Variants in ZNF829 observed in about 807,000 individuals in gnomAD.
The protein encoded by ZNF829 is zinc finger protein 829.
Under a neutral mutation model 35.2 loss-of-function variants are expected in ZNF829, and 25 were observed. The observed-to-expected ratio is 0.71, with a 90% CI of 0.52 to 0.99. The LOEUF (loss-of-function observed/expected upper bound fraction) is 0.99. Ranked by LOEUF, ZNF829 falls within the 50% of genes least tolerant of loss-of-function variation. The pLI, the probability that ZNF829 is intolerant of heterozygous loss-of-function variation, is 0.00. For synonymous variants in ZNF829, 136 were observed against 163.2 expected (o/e 0.83, Z 1.27); for missense variants, 417 against 515.3 (o/e 0.81, Z 1.85).
At chr19:36,892,596 A>C in intron 5 of ZNF829, 125 bp from the exon 6 acceptor site, 1 of 1,016,000 alleles carries the variant, frequency 9.8e-7, no homozygotes, top group Non-Finnish European at 1.4e-6. Flanking sequence ...AAAGGTGGAG[A>C]GGCAATCTGT....
intron 5 of ZNF829, among the ~76,000 whole-genome samples, chr19:36,897,304 A>G (rs1161674673): frequency 2.0e-5 from 3 of 152,202 alleles, no homozygotes; most frequent in South Asian, 2.1e-4. Context: ...AAACCCCTCA[A>G]TGAAATACTA....
Position 36,915,032 on chromosome 19 carries a change from G to A in ZNF829, c.39-10C>T. 1 of 1,614,058 alleles carries A rather than the reference G, an allele frequency of 6.2e-7. No individual in the cohort carries two copies. The highest frequency in any genetic ancestry group is 1.3e-5 in the African/African-American group (1 of 75,002). Reference sequence around the variant, plus strand: ...CTCTTCTGGGTGACACCTGGAGAAAGGTAAAATTGGGAGAGGGAAGAGTAA... The same window carrying A: ...CTCTTCTGGGTGACACCTGGAGAAAAGTAAAATTGGGAGAGGGAAGAGTAA... On this transcript the variant is annotated splice_polypyrimidine_tract_variant and intron_variant, in intron 2 of 5. Transcript: ENST00000391711.
At chr19:36,896,441 C>G (rs2073114158) in intron 5 of ZNF829, among the ~76,000 whole-genome samples, 1 of 152,102 alleles carries the variant, frequency 6.6e-6, no homozygotes, top group African/African-American at 2.4e-5. Flanking sequence ...CAATATTGTG[C>G]CACTGCACTC....
chr19:36,892,514 CA>C, intron 5 of ZNF829, 43 bp from the exon 6 acceptor site: 1 of 1,507,048 alleles, frequency 6.6e-7, no homozygotes, highest in Non-Finnish European at 8.8e-7. Flanking sequence ...CTATTCTGGG[CA>C]AGTTAAAACT....
chr19:36,897,530 A>C (rs1376487399), intron 5 of ZNF829, among the ~76,000 whole-genome samples: 1 of 152,186 alleles, frequency 6.6e-6, no homozygotes, highest in Non-Finnish European at 1.5e-5. Context: ...CCTCTCAACG[A>C]TTAGGCATTA....
At chr19:36,910,949 G>A (rs767149783) in intron 3 of ZNF829, among the ~76,000 whole-genome samples, 6 of 152,166 alleles carry the variant, frequency 3.9e-5, no homozygotes, top group Middle Eastern at 3.2e-3. Flanking sequence ...GGAGGTTGCA[G>A]TGAGCCGAGA....
At chr19:36,896,462 G>A (rs185091269) in intron 5 of ZNF829, among the ~76,000 whole-genome samples, 4 of 152,200 alleles carry the variant, frequency 2.6e-5, no homozygotes, top group Admixed American at 6.5e-5. Flanking sequence ...CAGCCTGGGC[G>A]ACGGAACTAG....
At chr19:36,897,955 G>A (rs959013813) in intron 5 of ZNF829, among the ~76,000 whole-genome samples, 8 of 152,190 alleles carry the variant, frequency 5.3e-5, no homozygotes, top group African/African-American at 1.9e-4. Flanking sequence ...GATCACTTGA[G>A]GTCACGAGTT....
intron 3 of ZNF829, 105 bp downstream of exon 3, chr19:36,914,860 G>A: frequency 9.7e-7 from 1 of 1,034,652 alleles, no homozygotes; most frequent in African/African-American, 1.6e-5. Context: ...AGCATAAGTG[G>A]AGCAACCATC....
intron 5 of ZNF829, among the ~76,000 whole-genome samples, chr19:36,903,365 A>AG: frequency 6.6e-6 from 1 of 152,214 alleles, no homozygotes. Flanking sequence ...TTTTAGTTAT[A>AG]GTATGTGCAG....
Position 36,915,012 on chromosome 19 carries a change from C to T in ZNF829, c.49G>A (p.Glu17Lys). Reference sequence around the variant, plus strand: ...TCATCATGCATTCTTTCCTCCTCTTCTGGGTGACACCTGGAGAAAGGTAAA... The same window carrying T: ...TCATCATGCATTCTTTCCTCCTCTTTTGGGTGACACCTGGAGAAAGGTAAA... Reference protein sequence around the residue: ...ISIPHVWCHPEEEERMHDELL... With the variant: ...ISIPHVWCHPKEEERMHDELL... The change falls in exon 3 of 6, where the codon GAA (glutamate) becomes AAA (lysine). Residue 17 changes from glutamate (E) to lysine (K), a missense_variant. Physicochemically the swap from Glu to Lys is moderately conservative, Grantham distance 56. Transcript: ENST00000391711. 1 of 1,614,186 alleles carries T rather than the reference C, an allele frequency of 6.2e-7. No individual in the cohort carries two copies. Among genetic ancestry groups the T allele is most frequent in the Non-Finnish European group, 8.5e-7 (1 of 1,180,036 alleles).
intron 5 of ZNF829, among the ~76,000 whole-genome samples, chr19:36,904,531 C>G (rs2073199327): frequency 6.6e-6 from 1 of 152,146 alleles, no homozygotes; most frequent in Non-Finnish European, 1.5e-5. Context: ...TCCCAAGTAG[C>G]TGGGACTACG....
rs552129299 is a variant in ZNF829 at position 36,888,558 on chromosome 19, C to T, written c.*2934G>A. On this transcript the variant is annotated 3_prime_UTR_variant, in exon 6 of 6. Coordinates refer to ENST00000391711, the MANE Select transcript of ZNF829 (RefSeq NM_001037232.4). The stretch of plus-strand genomic sequence containing the variant: ...TTTTAAAAAAGCATTCTTAATTTGC[C>T]TTTTATTGTTTCTTAATTATAGGTT... 1.3e-5 allele frequency: 2 copies of T among 152,194 alleles called. No individual in the cohort carries two copies. The highest frequency in any genetic ancestry group is 3.9e-4 in the East Asian group (2 of 5,192). The allele number at this position is 152,194 out of a possible 1,614,324, so 9.4% of individuals were successfully genotyped here. A position where few individuals can be genotyped will look rare whatever the true frequency, so the allele number is the denominator to read the frequency against.
intron 5 of ZNF829, among the ~76,000 whole-genome samples, chr19:36,899,279 T>C (rs540293675): frequency 4.1e-4 from 62 of 151,362 alleles, no homozygotes; most frequent in African/African-American, 1.4e-3. Flanking sequence ...CCCCGATCTC[T>C]ATAAACAGTT....
chr19:36,896,369 GCTA>G (rs959085747), intron 5 of ZNF829, among the ~76,000 whole-genome samples: 173 of 151,642 alleles, frequency 1.1e-3, no homozygotes, highest in Admixed American at 3.4e-3. Context: ...TGTAATCCGA[GCTA>G]CTCAGGAGGC....
At position 36,916,211 on chromosome 19, in the gene ZNF829, C is replaced by G. The variant is rs562516479; in HGVS notation, c.-285G>C. The G allele has an allele frequency of 1.8e-5, 8 of 444,426 alleles. No homozygotes were observed. The East Asian group carries it at 3.4e-4, about 19-fold the overall frequency. The allele number at this position is 444,426 out of a possible 1,614,324, so 27.5% of individuals were successfully genotyped here. ...GCCGAGCCTCGGAGTTGCGGGTCGC[C>G]GTAGCGCTGCGCAATGGAGATGAGC... On this transcript the variant is annotated 5_prime_UTR_variant, in exon 1 of 6. Transcript: ENST00000391711. This position sits in a 1 kb window ranked among gnomAD's most constrained non-coding sequence, Gnocchi z 5.3.
At chr19:36,910,119 T>C (rs895292527) in intron 3 of ZNF829, among the ~76,000 whole-genome samples, 1 of 151,712 alleles carries the variant, frequency 6.6e-6, no homozygotes. Context: ...AGTTTCGCTC[T>C]TGTTGCCCAG....
intron 5 of ZNF829, chr19:36,892,967 T>C (rs2073075153): frequency 2.1e-6 from 1 of 482,418 alleles, no homozygotes; most frequent in Non-Finnish European, 3.4e-6. Context: ...CCGCTTCTGC[T>C]CCAGGGCATG....
Position 36,916,254 on chromosome 19 carries a change from C to A in ZNF829, c.-328G>T. ...AGATGAGCCTCCCGGGGAACCCGGC[C>A]CAAGCCTCACCCTCACACAGGAAAG... On this transcript the variant is annotated 5_prime_UTR_variant, in exon 1 of 6. Transcript: ENST00000391711. The surrounding 1 kb of genome is among the most constrained non-coding windows in gnomAD (Gnocchi z 5.3). 1 of 338,166 alleles carries A rather than the reference C, an allele frequency of 3.0e-6. No individual in the cohort carries two copies. The highest frequency in any genetic ancestry group is 5.4e-6 in the Non-Finnish European group (1 of 185,258). 20.9% of individuals were successfully genotyped at this position (338,166 alleles called of 1,614,324 possible).
Sources: gnomAD v4.1 joint callset for allele counts (sites outside exome capture counted in the v4.1 genomes callset) on GRCh38, gnomAD v4.1.1 for gene constraint, Gnocchi (gnomAD v3.1) non-coding constraint, MANE v1.5 for transcripts, NCBI Gene and HGNC (gene_info 2026-07-23, HGNC 2026-07-21) for gene names.